CDH4: variants seen among roughly 807,000 people sequenced by gnomAD.
The protein encoded by CDH4 is cadherin-4.
CDH4 carries 33 observed loss-of-function variants against 86.0 expected under a neutral mutation model. That is an observed-to-expected ratio of 0.38 (90% CI 0.29 to 0.51). CDH4 has a LOEUF of 0.51. Among genes scored for constraint, CDH4 ranks in the 20% least tolerant of loss-of-function variants. CDH4 has a pLI of 0.86. For missense variants in CDH4, 1,114 were observed against 1,307.4 expected (o/e 0.85, Z 2.28); for synonymous variants, 555 against 549.4 (o/e 1.01, Z -0.14).
chr20:61,760,700 C>T (rs995983206), intron 3 of CDH4, among the ~76,000 whole-genome samples: 2 of 152,204 alleles, frequency 1.3e-5, no homozygotes, highest in East Asian at 1.9e-4. Flanking sequence ...AATAACTGCC[C>T]GACTGTGTTC....
At chr20:61,431,676 A>T (rs1411324653) in intron 2 of CDH4, among the ~76,000 whole-genome samples, 2 of 152,150 alleles carry the variant, frequency 1.3e-5, no homozygotes, top group African/African-American at 4.8e-5. Flanking sequence ...ACTCTTTTTA[A>T]TCAAGGTTTT....
intron 2 of CDH4, among the ~76,000 whole-genome samples, chr20:61,460,650 T>C (rs1308899073): frequency 6.6e-6 from 1 of 152,032 alleles, no homozygotes; most frequent in African/African-American, 2.4e-5. Flanking sequence ...GTGGCACCCA[T>C]AGGAGGAAAC....
intron 2 of CDH4, among the ~76,000 whole-genome samples, chr20:61,284,124 T>C (rs2084280279): frequency 1.4e-5 from 2 of 146,866 alleles, no homozygotes; most frequent in South Asian, 2.2e-4. Flanking sequence ...GCTAACACGG[T>C]GAAAACCCAT....
At position 61,526,972 on chromosome 20, in the gene CDH4, G is replaced by A. The variant is rs189949125; in HGVS notation, c.170-216591G>A. Among the ~76,000 whole-genome samples, 23 of 152,336 alleles carry A rather than the reference G, an allele frequency of 1.5e-4. No homozygotes were observed. In the East Asian group the frequency reaches 2.3e-3, roughly 15 times the overall value. On this transcript the variant is annotated intron_variant, in intron 2 of 15. Coordinates refer to ENST00000614565, the MANE Select transcript of CDH4 (RefSeq NM_001794.5). ...AGTTTGATATGTCAAGCGTTCTACC[G>A]CCAAGGCAGCAGTGACAGTGTGTGG...
chr20:61,576,704 C>T (rs2086384922), intron 2 of CDH4, among the ~76,000 whole-genome samples: 1 of 152,178 alleles, frequency 6.6e-6, no homozygotes, highest in South Asian at 2.1e-4. Context: ...GCCACTGCTG[C>T]CACTCAGCAC....
chr20:61,802,386 A>G (rs868410781), intron 4 of CDH4, among the ~76,000 whole-genome samples: 18 of 152,334 alleles, frequency 1.2e-4, no homozygotes, highest in Middle Eastern at 3.4e-3. Flanking sequence ...TGTAGCCGAG[A>G]ACCTCGTGGG....
chr20:61,857,562 G>A (rs942419055), intron 6 of CDH4, among the ~76,000 whole-genome samples: 132 of 152,388 alleles, frequency 8.7e-4, no homozygotes, highest in African/African-American at 2.9e-3. Flanking sequence ...CCCCCCATGT[G>A]GAGGGAGCTG....
chr20:61,552,667 T>C (rs1251458320), intron 2 of CDH4, among the ~76,000 whole-genome samples: 1 of 151,896 alleles, frequency 6.6e-6, no homozygotes. Context: ...GCCACGGTAC[T>C]CCAGCCTGTG....
intron 2 of CDH4, among the ~76,000 whole-genome samples, chr20:61,635,700 A>C (rs1192861299): frequency 6.6e-6 from 1 of 152,174 alleles, no homozygotes; most frequent in Non-Finnish European, 1.5e-5. Flanking sequence ...TTGGAGTAGG[A>C]GGAGGAGGAT....
intron 2 of CDH4, among the ~76,000 whole-genome samples, chr20:61,594,504 T>C (rs927235715): frequency 1.3e-5 from 2 of 152,168 alleles, no homozygotes; most frequent in African/African-American, 4.8e-5. Context: ...CAGCCGGGGT[T>C]TCCAAAACGG....
At chr20:61,619,583 G>T (rs1461236838) in intron 2 of CDH4, among the ~76,000 whole-genome samples, 3 of 152,196 alleles carry the variant, frequency 2.0e-5, no homozygotes, top group Non-Finnish European at 4.4e-5. Context: ...TTTGTTTCCA[G>T]GACAGAGCGA....
At chr20:61,401,964 C>A (rs750507142) in intron 2 of CDH4, among the ~76,000 whole-genome samples, 1 of 152,218 alleles carries the variant, frequency 6.6e-6, no homozygotes. Flanking sequence ...ACTTCTATAA[C>A]CATCTTGTTC....
chr20:61,297,734 G>A (rs1425500783), intron 2 of CDH4, among the ~76,000 whole-genome samples: 1 of 152,250 alleles, frequency 6.6e-6, no homozygotes, highest in Non-Finnish European at 1.5e-5. Flanking sequence ...CTGCCCTCTC[G>A]CGTGTATGAT....
At chr20:61,873,222 G>A (rs1178716987) in intron 6 of CDH4, among the ~76,000 whole-genome samples, 1 of 152,166 alleles carries the variant, frequency 6.6e-6, no homozygotes, top group Admixed American at 6.5e-5. Flanking sequence ...GTCCCTTCTA[G>A]GTTTGTTTTC....
chr20:61,586,769 G>A (rs2086479340), intron 2 of CDH4, among the ~76,000 whole-genome samples: 1 of 152,152 alleles, frequency 6.6e-6, no homozygotes, highest in African/African-American at 2.4e-5. Flanking sequence ...GTTTGCCCTT[G>A]GAAAAGTCAC....
intron 2 of CDH4, among the ~76,000 whole-genome samples, chr20:61,711,780 C>T (rs903219091): frequency 3.9e-5 from 6 of 152,040 alleles, no homozygotes; most frequent in African/African-American, 7.3e-5. Flanking sequence ...GCACCGTGTG[C>T]GGGGCTGAAA....
chr20:61,883,422 G>A (rs960471253), intron 7 of CDH4, among the ~76,000 whole-genome samples: 2 of 152,134 alleles, frequency 1.3e-5, no homozygotes, highest in East Asian at 1.9e-4. Context: ...CAGCTCGGTG[G>A]GGGGCACCAC....
At chr20:61,298,181 G>A (rs1268348159) in intron 2 of CDH4, among the ~76,000 whole-genome samples, 2 of 152,206 alleles carry the variant, frequency 1.3e-5, no homozygotes, top group South Asian at 2.1e-4. Flanking sequence ...CCGGGTTTCC[G>A]GCCTGTGTCA....
intron 2 of CDH4, among the ~76,000 whole-genome samples, chr20:61,259,618 C>T (rs887643961): frequency 2.0e-5 from 3 of 152,206 alleles, no homozygotes; most frequent in Middle Eastern, 3.2e-3. Context: ...AAGCCAACCA[C>T]ATATGCCTGG....
Sources: allele counts gnomAD v4.1 joint callset (sites outside exome capture counted in the v4.1 genomes callset), GRCh38; gene constraint gnomAD v4.1.1; transcripts MANE v1.5; gene names NCBI Gene and HGNC (gene_info 2026-07-23, HGNC 2026-07-21).